BCAP29: variants seen among roughly 807,000 people sequenced by gnomAD.
BCAP29 encodes the protein B cell receptor associated protein 29.
Under a neutral mutation model 31.8 loss-of-function variants are expected in BCAP29, and 34 were observed. The observed-to-expected ratio is 1.07, with a 90% CI of 0.81 to 1.42. The LOEUF is 1.42. Among genes scored for constraint, BCAP29 ranks in the 40% most tolerant of loss-of-function variants. BCAP29 has a pLI of 0.00. For missense variants in BCAP29, 314 were observed against 269.2 expected (o/e 1.17, Z -1.16); for synonymous variants, 104 against 91.3 (o/e 1.14, Z -0.79).
intron 3 of BCAP29, among the ~76,000 whole-genome samples, chr7:107,585,693 A>T (rs987443848): frequency 6.6e-6 from 1 of 152,142 alleles, no homozygotes; most frequent in African/African-American, 2.4e-5. Flanking sequence ...TTTTGGTTAC[A>T]TTAGAAACAA....
chr7:107,612,362 C>G (rs1813268514), intron 6 of BCAP29, among the ~76,000 whole-genome samples: 1 of 141,760 alleles, frequency 7.1e-6, no homozygotes, highest in African/African-American at 2.6e-5. Context: ...ATATTTTGCT[C>G]ATTAGCACCT....
At position 107,613,313 on chromosome 7, in the gene BCAP29, AC is replaced by A; in HGVS notation, c.590-18del. On this transcript the variant is annotated intron_variant, in intron 6 of 7. Coordinates refer to ENST00000005259, the MANE Select transcript of BCAP29 (RefSeq NM_018844.4). Reference sequence around the variant, plus strand: ...GAAATTATTCTGAAATAAAAATAAAACTATTCGATATTTTCTAGCCCTTTCT... The same window carrying A: ...GAAATTATTCTGAAATAAAAATAAAATATTCGATATTTTCTAGCCCTTTCT... 2 of 1,538,808 alleles carry A rather than the reference AC, an allele frequency of 1.3e-6. No homozygotes were observed. Among genetic ancestry groups the A allele is most frequent in the Non-Finnish European group, 1.8e-6 (2 of 1,121,642 alleles).
At chr7:107,609,930 T>C (rs1812825660) in intron 6 of BCAP29, among the ~76,000 whole-genome samples, 2 of 152,266 alleles carry the variant, frequency 1.3e-5, no homozygotes, top group Admixed American at 6.5e-5. Context: ...AGCCCAACTT[T>C]AGCTGTCATG....
chr7:107,605,113 G>C (rs1811849123), intron 6 of BCAP29, among the ~76,000 whole-genome samples: 1 of 152,150 alleles, frequency 6.6e-6, no homozygotes, highest in African/African-American at 2.4e-5. Flanking sequence ...TTCCCATTTA[G>C]TTGTGATGTT....
At chr7:107,616,824 C>T (rs1484979069) in intron 7 of BCAP29, among the ~76,000 whole-genome samples, 2 of 152,096 alleles carry the variant, frequency 1.3e-5, no homozygotes, top group Middle Eastern at 3.2e-3. Flanking sequence ...CTGCAACCTC[C>T]ACCTCCCCAA....
chr7:107,622,110 A>G (rs1815026707), downstream of BCAP29: 1 of 414,508 alleles, frequency 2.4e-6, no homozygotes, highest in Admixed American at 2.9e-5. Context: ...GCCTCTGCCT[A>G]ACTGCAAGCC....
intron 7 of BCAP29, among the ~76,000 whole-genome samples, chr7:107,616,674 C>T (rs1358951677): frequency 1.3e-5 from 2 of 152,080 alleles, no homozygotes; most frequent in African/African-American, 4.8e-5. Flanking sequence ...CATCCCCCAC[C>T]GTTGTCCAAT....
At chr7:107,599,295 A>ATATATAT (rs1563134201) in intron 5 of BCAP29, among the ~76,000 whole-genome samples, 1 of 23,366 alleles carries the variant, frequency 4.3e-5, no homozygotes, top group African/African-American at 1.4e-4. Context: ...TTATATATAA[A>ATATATAT]TTATATATAA....
Position 107,580,874 on chromosome 7 carries a change from C to T in BCAP29, c.92+10C>T. 6.4e-7 allele frequency: 1 copy of T among 1,558,352 alleles called. No homozygotes were observed. The highest frequency in any genetic ancestry group is 8.7e-7 in the Non-Finnish European group (1 of 1,151,722). On this transcript the variant is annotated intron_variant, in intron 2 of 7. Coordinates refer to ENST00000005259, the MANE Select transcript of BCAP29 (RefSeq NM_018844.4). ...TTATTCCTCCTCAGAGGTAGGAAAC[C>T]TTCAAATCGTTAACTAATAAATATT... is the stretch of plus-strand genomic sequence containing the variant.
intron 4 of BCAP29, 78 bp from the exon 5 acceptor site, chr7:107,595,789 A>T (rs974081196): frequency 3.0e-5 from 44 of 1,446,658 alleles, no homozygotes; most frequent in Non-Finnish European, 3.0e-5. Context: ...TCTAATGGGG[A>T]GTAATTTGGC....
chr7:107,615,016 G>A (rs535397214), intron 7 of BCAP29, among the ~76,000 whole-genome samples: 4 of 152,280 alleles, frequency 2.6e-5, no homozygotes, highest in East Asian at 1.9e-4. Context: ...GTTGAGTATC[G>A]ACATTAGTGG....
intron 3 of BCAP29, among the ~76,000 whole-genome samples, chr7:107,585,144 CA>C (rs147760339): frequency 1.9e-3 from 286 of 152,224 alleles, no homozygotes; most frequent in African/African-American, 6.4e-3. Context: ...TGTTTTCCCT[CA>C]GAATTCCCTC....
intron 6 of BCAP29, among the ~76,000 whole-genome samples, chr7:107,604,151 C>G (rs1811667405): frequency 6.6e-6 from 1 of 152,118 alleles, no homozygotes; most frequent in Admixed American, 6.5e-5. Flanking sequence ...TAGTCCCCTA[C>G]TTAAAATAAT....
intron 5 of BCAP29, among the ~76,000 whole-genome samples, chr7:107,598,106 A>G (rs938926445): frequency 1.3e-5 from 2 of 152,198 alleles, no homozygotes; most frequent in African/African-American, 4.8e-5. Context: ...CTTATTTACA[A>G]GACTAACACA....
rs147732247 is a variant in BCAP29 at position 107,617,827 on chromosome 7, T to A, written c.691-501T>A. Among the ~76,000 whole-genome samples, 17 of 151,652 alleles carry A rather than the reference T, an allele frequency of 1.1e-4. No homozygotes were observed. In the East Asian group the frequency reaches 3.3e-3, roughly 29 times the overall value. ...TTTTTCATGATGTAGACATTTACTT[T>A]CTTAGCACAAGTGATCTCTTAAGAT... On this transcript the variant is annotated intron_variant, in intron 7 of 7. Coordinates refer to ENST00000005259, the MANE Select transcript of BCAP29 (RefSeq NM_018844.4).
chr7:107,596,019 G>A lies in BCAP29; in HGVS notation c.480+17G>A, dbSNP rs1428104085. ...CTAAAAAGGGTATTTAATTTTCTTT[G>A]TAAAAATTAAATGTTGTTGGTGTTC... On this transcript the variant is annotated intron_variant, in intron 5 of 7. Coordinates refer to ENST00000005259, the MANE Select transcript of BCAP29 (RefSeq NM_018844.4). 6 of 1,548,496 alleles carry A rather than the reference G, an allele frequency of 3.9e-6. No individual in the cohort carries two copies. The highest frequency in any genetic ancestry group is 5.2e-6 in the Non-Finnish European group (6 of 1,153,398).
intron 3 of BCAP29, among the ~76,000 whole-genome samples, chr7:107,588,761 A>C (rs1808184964): frequency 1.3e-5 from 2 of 152,188 alleles, no homozygotes; most frequent in Non-Finnish European, 2.9e-5. Flanking sequence ...AATAAGAAGG[A>C]TGTCTAAGAA....
At chr7:107,599,017 A>ATC (rs1250156443) in intron 5 of BCAP29, among the ~76,000 whole-genome samples, 3 of 138,306 alleles carry the variant, frequency 2.2e-5, no homozygotes, top group African/African-American at 8.0e-5. Context: ...AAATTTATAT[A>ATC]TATAAATTTA....
At chr7:107,595,513 TA>T (rs1173728688) in intron 4 of BCAP29, among the ~76,000 whole-genome samples, 21 of 152,330 alleles carry the variant, frequency 1.4e-4, no homozygotes, top group Admixed American at 1.2e-3. Flanking sequence ...CAATGTTCCT[TA>T]AATAGCAGAA....
Sources: allele counts gnomAD v4.1 joint callset (sites outside exome capture counted in the v4.1 genomes callset), GRCh38; gene constraint gnomAD v4.1.1; transcripts MANE v1.5; gene names NCBI Gene and HGNC (gene_info 2026-07-23, HGNC 2026-07-21).